The following C10orf90 variants were observed in gnomAD, a reference collection of about 807,000 sequenced individuals.
C10orf90 encodes the protein (E2-independent) E3 ubiquitin-conjugating enzyme FATS.
A neutral mutation model predicts 62.5 loss-of-function variants in C10orf90; 56 were observed. The ratio of observed to expected loss-of-function variants is 0.90; its 90% CI spans 0.72 to 1.12. The LOEUF is 1.12. Ranked by LOEUF, C10orf90 falls within the 50% of genes most tolerant of loss-of-function variation. C10orf90 has a pLI of 0.00. For synonymous variants in C10orf90, 386 were observed against 340.4 expected (o/e 1.13, Z -1.47); for missense variants, 970 against 880.4 (o/e 1.10, Z -1.29).
chr10:126,652,813 G>C (rs769750223), intron 1 of C10orf90, among the ~76,000 whole-genome samples: 17 of 152,108 alleles, frequency 1.1e-4, no homozygotes, highest in Non-Finnish European at 1.9e-4. Flanking sequence ...GATTACTTAA[G>C]TATTCCTTTC....
intron 2 of C10orf90, among the ~76,000 whole-genome samples, chr10:126,514,486 G>T (rs1863322704): frequency 6.6e-6 from 1 of 152,164 alleles, no homozygotes; most frequent in Non-Finnish European, 1.5e-5. Flanking sequence ...GTGAGTATCT[G>T]CCACAAAGAT....
chr10:126,437,080 A>G (rs1857972927), intron 7 of C10orf90, among the ~76,000 whole-genome samples: 1 of 152,148 alleles, frequency 6.6e-6, no homozygotes, highest in South Asian at 2.1e-4. Context: ...TCATGTTTCA[A>G]TTCATCCTTA....
intron 7 of C10orf90, among the ~76,000 whole-genome samples, chr10:126,436,020 T>A (rs917423933): frequency 6.6e-6 from 1 of 152,178 alleles, no homozygotes; most frequent in African/African-American, 2.4e-5. Flanking sequence ...GGGTTCCCCA[T>A]AAAACCTATA....
chr10:126,499,420 G>GA (rs994881730), intron 4 of C10orf90, among the ~76,000 whole-genome samples: 14 of 152,100 alleles, frequency 9.2e-5, no homozygotes, highest in Admixed American at 3.9e-4. Flanking sequence ...GATCATTGAA[G>GA]AAAAAAAATC....
chr10:126,561,260 G>A (rs1161358715), intron 2 of C10orf90, among the ~76,000 whole-genome samples: 1 of 152,120 alleles, frequency 6.6e-6, no homozygotes, highest in East Asian at 1.9e-4. Flanking sequence ...CCAAAGTGTG[G>A]GCCCTCAACC....
At chr10:126,449,183 T>A (rs1257401098) in intron 7 of C10orf90, among the ~76,000 whole-genome samples, 1 of 152,190 alleles carries the variant, frequency 6.6e-6, no homozygotes, top group Non-Finnish European at 1.5e-5. Flanking sequence ...AAAAGACTTA[T>A]TCACCATGAT....
rs377730398 is a variant in C10orf90, at chr10:126,576,705, G to GTA, written c.314-62768_314-62767dup. 3.5e-4 allele frequency among the ~76,000 whole-genome samples: 24 copies of GTA among 69,302 alleles called. 5 individuals carry two copies. Among genetic ancestry groups the GTA allele is most frequent in the East Asian group, 1.6e-3 (5 of 3,096 alleles). The allele number at this position is 69,302 out of a possible 152,430, so 45.5% of individuals were successfully genotyped here. A position where few individuals can be genotyped will look rare whatever the true frequency, so the allele number is the denominator to read the frequency against. ...TATACATATACATGTATATGTATAT[G>GTA]TATATATATACAAGATATACATATA... On this transcript the variant is annotated intron_variant, in intron 2 of 9. Transcript: ENST00000488181.
At chr10:126,460,956 C>G (rs1239813768) in intron 6 of C10orf90, among the ~76,000 whole-genome samples, 1 of 152,132 alleles carries the variant, frequency 6.6e-6, no homozygotes, top group Non-Finnish European at 1.5e-5. Context: ...AGATGCCAAA[C>G]TAAAACTTTC....
At chr10:126,507,744 C>T (rs971765944) in intron 3 of C10orf90, among the ~76,000 whole-genome samples, 1 of 152,148 alleles carries the variant, frequency 6.6e-6, no homozygotes, top group Non-Finnish European at 1.5e-5. Flanking sequence ...CGAAAAATTA[C>T]ATTAGAATTC....
chr10:126,649,034 GTCTCTCTCTCTCTC>G (rs1196569277), intron 1 of C10orf90, among the ~76,000 whole-genome samples: 3 of 26,596 alleles, frequency 1.1e-4, no homozygotes, highest in East Asian at 1.1e-3. Flanking sequence ...CTCTGTCTCT[GTCTCTCTCTCTCTC>G]TCTCTCTCTC....
intron 7 of C10orf90, among the ~76,000 whole-genome samples, chr10:126,436,099 G>A (rs375087169): frequency 1.4e-4 from 22 of 152,088 alleles, no homozygotes; most frequent in African/African-American, 4.6e-4. Context: ...AAAGACCCAC[G>A]GAACAACCAG....
In C10orf90 at chr10:126,627,422, G is replaced by A. The variant is rs773665191; in HGVS notation, c.313+19143C>T. Among the ~76,000 whole-genome samples the A allele has an allele frequency of 5.9e-5, 9 of 152,088 alleles. No homozygotes were observed. In the South Asian group the frequency reaches 6.2e-4, roughly 11 times the overall value. Reference sequence around the variant, plus strand: ...TGGTCCATGCGGGTGTAATGGAATCGAATTTACCAGGAGTGAGGCCTACAG... The same window carrying A: ...TGGTCCATGCGGGTGTAATGGAATCAAATTTACCAGGAGTGAGGCCTACAG... On this transcript the variant is annotated intron_variant, in intron 2 of 9. Transcript: ENST00000488181.
intron 7 of C10orf90, among the ~76,000 whole-genome samples, chr10:126,445,319 T>TA (rs1372065161): frequency 1.3e-5 from 2 of 151,100 alleles, no homozygotes; most frequent in African/African-American, 2.4e-5. Context: ...AATCAGCAAG[T>TA]AAAAAACAAA....
At chr10:126,620,791 T>C (rs1199553897) in intron 2 of C10orf90, among the ~76,000 whole-genome samples, 1 of 151,696 alleles carries the variant, frequency 6.6e-6, no homozygotes, top group Non-Finnish European at 1.5e-5. Flanking sequence ...TTTGTTTTCA[T>C]TTTGTTTGGT....
rs527720914 is a variant in C10orf90, at chr10:126,581,461, T to C, written c.313+65104A>G. Among the ~76,000 whole-genome samples, 24 of 152,256 alleles carry C rather than the reference T, an allele frequency of 1.6e-4. 2 individuals are homozygous for C. In the South Asian group the frequency reaches 4.8e-3, roughly 30 times the overall value. ...CCTGTCATCATGCCTTCTTCAGGGATGCTGCACTCTGCATCCCTAAAGATG... is the reference window on the plus strand; with the variant it reads ...CCTGTCATCATGCCTTCTTCAGGGACGCTGCACTCTGCATCCCTAAAGATG... On this transcript the variant is annotated intron_variant, in intron 2 of 9. Coordinates refer to ENST00000488181, the MANE Select transcript of C10orf90 (RefSeq NM_001350921.2).
intron 4 of C10orf90, among the ~76,000 whole-genome samples, chr10:126,476,050 C>T (rs1860841928): frequency 6.6e-6 from 1 of 152,198 alleles, no homozygotes; most frequent in Non-Finnish European, 1.5e-5. Context: ...GTTCCTCCCT[C>T]CAGCCCCGTC....
chr10:126,440,621 C>T (rs868308090), intron 7 of C10orf90, among the ~76,000 whole-genome samples: 10 of 152,134 alleles, frequency 6.6e-5, no homozygotes, highest in East Asian at 5.8e-4. Context: ...AAGCTAAGAA[C>T]GCTCACAGAG....
At chr10:126,427,362 T>G (rs918871043) in intron 8 of C10orf90, among the ~76,000 whole-genome samples, 1 of 152,218 alleles carries the variant, frequency 6.6e-6, no homozygotes, top group African/African-American at 2.4e-5. Flanking sequence ...ACTGACCATC[T>G]CAATCAGCTG....
intron 2 of C10orf90, chr10:126,524,582 C>T (rs1052100368): frequency 1.0e-6 from 1 of 971,840 alleles, no homozygotes; most frequent in African/African-American, 1.8e-5. Flanking sequence ...AGTTTGTCCC[C>T]ATTTTGGGAG....
Sources: allele counts gnomAD v4.1 joint callset (sites outside exome capture counted in the v4.1 genomes callset), GRCh38; gene constraint gnomAD v4.1.1; transcripts MANE v1.5; gene names NCBI Gene and HGNC (gene_info 2026-07-23, HGNC 2026-07-21).